The following HECTD4 variants were observed in gnomAD, a reference collection of about 807,000 sequenced individuals.
HECTD4 encodes probable E3 ubiquitin-protein ligase HECTD4.
In HECTD4, 114 loss-of-function variants were observed where a neutral mutation model predicts 471.5. The observed-to-expected ratio is 0.24, with a 90% confidence interval of 0.21 to 0.28. The LOEUF is 0.28. HECTD4 is among the 10% of genes least tolerant of loss of function. The probability of loss-of-function intolerance (pLI) is 1.00; values close to 1 mark genes in which losing one functional copy is unlikely to be tolerated. For synonymous variants in HECTD4, 2,012 were observed against 2,256.0 expected (o/e 0.89, Z 3.07); for missense variants, 3,866 against 5,651.5 (o/e 0.68, Z 10.13).
chr12:112,189,550 C>CAAAA (rs57209316), intron 60 of HECTD4, among the ~76,000 whole-genome samples: 257 of 28,770 alleles, frequency 8.9e-3, no homozygotes, highest in Non-Finnish European at 0.013. Flanking sequence ...GACTCCGTCT[C>CAAAA]AAAAAAAAAA....
At chr12:112,332,316 T>G (rs1788242731) in intron 1 of HECTD4, among the ~76,000 whole-genome samples, 1 of 152,000 alleles carries the variant, frequency 6.6e-6, no homozygotes, top group Admixed American at 6.6e-5. Flanking sequence ...GTGGATCACC[T>G]AAGGTCGGGA....
chr12:112,269,711 C>G lies in HECTD4; in HGVS notation c.2314G>C (p.Ala772Pro). 1 of 1,613,912 alleles carries G rather than the reference C, an allele frequency of 6.2e-7. No homozygotes were observed. Among genetic ancestry groups the G allele is most frequent in the Non-Finnish European group, 8.5e-7 (1 of 1,179,842 alleles). Residue 772 changes from alanine (A) to proline (P), a missense_variant, in exon 13 of 76, where the codon GCC becomes CCC. This residue lies in a region of HECTD4 where 525 missense variants were observed against 672.6 expected (regional missense o/e 0.78). Transcript: ENST00000682272. ...CPEIQKEVCL[A>P]ISSGLNILYP... is the part of the protein sequence containing the mutation. ...AAATCATTAGCTGTTTACCTGATGG[C>G]AAGGCAGACTTCCTTCTGAATTTCA...
chr12:112,172,371 G>A (rs752343300), intron 67 of HECTD4, among the ~76,000 whole-genome samples: 5 of 152,198 alleles, frequency 3.3e-5, no homozygotes, highest in East Asian at 3.8e-4. Flanking sequence ...TGGCCTCAGC[G>A]GGGCCTCCAG....
chr12:112,269,023 C>T (rs555222403), intron 13 of HECTD4, among the ~76,000 whole-genome samples: 80 of 150,748 alleles, frequency 5.3e-4, no homozygotes, highest in African/African-American at 1.8e-3. Context: ...TACAGGAGCG[C>T]GCCACCATGC....
In HECTD4 at chr12:112,228,061, C is replaced by T; in HGVS notation, c.6854+28G>A. The T allele has an allele frequency of 6.3e-7, 1 of 1,577,906 alleles. No individual in the cohort carries two copies. The highest frequency in any genetic ancestry group is 8.6e-7 in the Non-Finnish European group (1 of 1,164,190). ...TCTGTCAGCTTGCACCATGTCAGCA[C>T]ATAAGGCAATGTGGGGAGGGTACTC... On this transcript the variant is annotated intron_variant, in intron 43 of 75. Coordinates refer to ENST00000682272, the MANE Select transcript of HECTD4 (RefSeq NM_001388303.1). This position sits in a 1 kb window ranked among gnomAD's most constrained non-coding sequence, Gnocchi z 4.9.
rs776231054 is a variant in HECTD4, at chr12:112,228,093, T to C, written c.6850A>G (p.Thr2284Ala). Residue 2284 changes from threonine to alanine, a missense_variant, in exon 43 of 76, where the codon ACA (threonine) becomes GCA (alanine). Physicochemically the swap from Thr to Ala is moderately conservative, Grantham distance 58. Transcript: ENST00000682272. The surrounding 1 kb of genome is among the most constrained non-coding windows in gnomAD (Gnocchi z 4.9). ...AVVRLLAEIRTRACLVMAQLL... is the reference protein window; with the variant it reads ...AVVRLLAEIRARACLVMAQLL... ...CAATGTGGGGAGGGTACTCACCTTG[T>C]CCTTATTTCAGCAAGGAGCCGAACG... The C allele has an allele frequency of 5.0e-6, 8 of 1,611,108 alleles. No homozygotes were observed. The highest frequency in any genetic ancestry group is 1.7e-5 in the Admixed American group (1 of 59,702).
Position 112,231,584 on chromosome 12 carries a change from T to C in HECTD4, c.6129A>G (p.Gly2043=), listed in dbSNP as rs936793870. The C allele has an allele frequency of 6.2e-7, 1 of 1,614,014 alleles. No homozygotes were observed. Among genetic ancestry groups the C allele is most frequent in the African/African-American group, 1.3e-5 (1 of 75,050 alleles). ...TTTTCTTTTTGTCGCCTGTGGATAGTCCACTCACAGTCTCTGGGTTGATAG... is the reference window on the plus strand; with the variant it reads ...TTTTCTTTTTGTCGCCTGTGGATAGCCCACTCACAGTCTCTGGGTTGATAG... ...VESINPETVS[G]LSTGDKKKTA... Residue 2043 remains glycine, a synonymous_variant, in exon 39 of 76, where the codon GGA becomes GGG. Transcript: ENST00000682272.
chr12:112,215,565 C>G (rs753713739), intron 48 of HECTD4, among the ~76,000 whole-genome samples: 2 of 152,090 alleles, frequency 1.3e-5, no homozygotes, highest in Admixed American at 6.6e-5. Context: ...GTCTATGTGA[C>G]TGAAACATAG....
chr12:112,193,782 G>A lies in HECTD4; in HGVS notation c.8750-108C>T. The A allele has an allele frequency of 1.1e-6, 1 of 930,814 alleles. No individual in the cohort carries two copies. The highest frequency in any genetic ancestry group is 1.7e-6 in the Non-Finnish European group (1 of 598,338). 57.7% of individuals were successfully genotyped at this position (930,814 alleles called of 1,614,324 possible). A position where few individuals can be genotyped will look rare whatever the true frequency, so the allele number is the denominator to read the frequency against. On this transcript the variant is annotated intron_variant, in intron 56 of 75. Transcript: ENST00000682272. This position sits in a 1 kb window ranked among gnomAD's most constrained non-coding sequence, Gnocchi z 5.2. The stretch of plus-strand genomic sequence containing the variant: ...CCCATCCAGAAACCCCAGATGGGAG[G>A]GTTATCCTGGATATGATGTCCTGGA...
At chr12:112,348,340 C>T (rs528944735) in intron 1 of HECTD4, among the ~76,000 whole-genome samples, 13 of 152,252 alleles carry the variant, frequency 8.5e-5, no homozygotes, top group African/African-American at 2.9e-4. Flanking sequence ...ATAAGCCTCA[C>T]CAAACAGACT....
intron 44 of HECTD4, 167 bp downstream of exon 44, chr12:112,226,476 T>TCA: frequency 4.5e-6 from 2 of 442,636 alleles, no homozygotes; most frequent in Non-Finnish European, 8.0e-6. Flanking sequence ...AAGCTTTTTA[T>TCA]TTACATTTCT....
intron 1 of HECTD4, among the ~76,000 whole-genome samples, chr12:112,350,326 T>C (rs1227968154): frequency 3.9e-5 from 6 of 152,216 alleles, no homozygotes; most frequent in Non-Finnish European, 8.8e-5. Context: ...TCTCATGATA[T>C]GCTAAAAGGA....
intron 16 of HECTD4, 151 bp downstream of exon 16, chr12:112,265,024 C>T (rs2034235587): frequency 1.7e-6 from 1 of 597,380 alleles, no homozygotes; most frequent in East Asian, 3.7e-5. Context: ...CTTGGCCTCC[C>T]AAAGTGCTGG....
At chr12:112,234,958 C>A in intron 37 of HECTD4, 119 bp downstream of exon 37, 1 of 806,392 alleles carries the variant, frequency 1.2e-6, no homozygotes, top group Non-Finnish European at 1.9e-6. Context: ...ACAGTGTCTA[C>A]CTGAAAGGGG....
intron 32 of HECTD4, 91 bp from the exon 33 acceptor site, chr12:112,240,118 C>T (rs1356433158): frequency 8.4e-6 from 11 of 1,306,688 alleles, no homozygotes; most frequent in Non-Finnish European, 1.2e-5. Flanking sequence ...TCTAGAGTAT[C>T]TGGATGAATC....
chr12:112,182,242 G>C (rs974898513), intron 62 of HECTD4, among the ~76,000 whole-genome samples: 3 of 152,020 alleles, frequency 2.0e-5, no homozygotes, highest in Admixed American at 6.6e-5. Context: ...GAGGCTGGAG[G>C]ACTGCTTGAG....
chr12:112,215,648 T>C (rs2032897799), intron 48 of HECTD4, among the ~76,000 whole-genome samples: 1 of 152,188 alleles, frequency 6.6e-6, no homozygotes, highest in South Asian at 2.1e-4. Flanking sequence ...TCTCTCTCTC[T>C]CTGTTTTTTG....
intron 37 of HECTD4, 119 bp from the exon 38 acceptor site, chr12:112,233,204 C>T: frequency 2.2e-6 from 1 of 452,748 alleles, no homozygotes; most frequent in Non-Finnish European, 4.0e-6. Context: ...TTAGCTTACA[C>T]TAACATTAGC....
At chr12:112,206,349 G>C (rs930507724) in intron 52 of HECTD4, among the ~76,000 whole-genome samples, 2 of 152,040 alleles carry the variant, frequency 1.3e-5, no homozygotes, top group African/African-American at 4.8e-5. Flanking sequence ...AAAAAAATTA[G>C]CCAGGCTTGG....
Sources: allele counts gnomAD v4.1 joint callset (sites outside exome capture counted in the v4.1 genomes callset), GRCh38; gene constraint gnomAD v4.1.1; regional missense constraint gnomAD v4.1.1; non-coding constraint Gnocchi (gnomAD v3.1); transcripts MANE v1.5; gene names NCBI Gene and HGNC (gene_info 2026-07-23, HGNC 2026-07-21).